GRXCR2: variants seen among roughly 807,000 people sequenced by gnomAD.
The protein encoded by GRXCR2 is glutaredoxin and cysteine rich domain containing 2.
GRXCR2 carries 23 observed loss-of-function variants against 24.8 expected under a neutral mutation model. The observed-to-expected ratio is 0.93, with a 90% CI of 0.67 to 1.32. GRXCR2 has a LOEUF of 1.32. Ranked by LOEUF, GRXCR2 falls within the 40% of genes most tolerant of loss-of-function variation. The pLI is 0.00. For synonymous variants in GRXCR2, 130 were observed against 116.1 expected (o/e 1.12, Z -0.77); for missense variants, 315 against 303.4 (o/e 1.04, Z -0.28).
At chr5:145,874,511 G>A (rs1248887364), upstream of GRXCR2, among the ~76,000 whole-genome samples, 2 of 151,954 alleles carry the variant, frequency 1.3e-5, no homozygotes, top group Non-Finnish European at 2.9e-5. Flanking sequence ...CCATTCACAT[G>A]GATTCTTTCA....
At chr5:145,895,277 C>T (rs1756932118) in intron 2 of GRXCR2, among the ~76,000 whole-genome samples, 1 of 151,842 alleles carries the variant, frequency 6.6e-6, no homozygotes, top group African/African-American at 2.4e-5. Context: ...GTTGGAAGTT[C>T]TGGCCAGGGC....
At chr5:145,886,238 G>T (rs1224440646) in intron 2 of GRXCR2, among the ~76,000 whole-genome samples, 2 of 152,138 alleles carry the variant, frequency 1.3e-5, no homozygotes, top group Non-Finnish European at 2.9e-5. Context: ...CCCATAGTTT[G>T]CTTTGAAAGG....
intron 2 of GRXCR2, among the ~76,000 whole-genome samples, chr5:145,896,225 A>G (rs1005042830): frequency 3.9e-5 from 6 of 152,228 alleles, no homozygotes; most frequent in African/African-American, 1.4e-4. Flanking sequence ...GGCATGGGCA[A>G]GGACTTCATG....
At chr5:145,893,913 C>A (rs540278949) in intron 2 of GRXCR2, among the ~76,000 whole-genome samples, 1 of 152,070 alleles carries the variant, frequency 6.6e-6, no homozygotes, top group Non-Finnish European at 1.5e-5. Context: ...TGTAAAAGAA[C>A]AGAAATTATA....
chr5:145,865,903 C>T (rs931934927), intron 2 of GRXCR2, among the ~76,000 whole-genome samples: 5 of 151,940 alleles, frequency 3.3e-5, no homozygotes, highest in South Asian at 2.1e-4. Context: ...TTTGGGAGGC[C>T]GAGGCAGATG....
At chr5:145,907,982 A>G (rs1757114102) in intron 2 of GRXCR2, among the ~76,000 whole-genome samples, 1 of 152,162 alleles carries the variant, frequency 6.6e-6, no homozygotes, top group Non-Finnish European at 1.5e-5. Context: ...GTCTCACATT[A>G]AAAGAAAAGG....
At chr5:145,930,336 C>T (rs1025038645) in intron 2 of GRXCR2, among the ~76,000 whole-genome samples, 7 of 152,114 alleles carry the variant, frequency 4.6e-5, no homozygotes, top group Admixed American at 6.6e-5. Flanking sequence ...TCGCCCACCT[C>T]GGCCTCCCAA....
intron 2 of GRXCR2, among the ~76,000 whole-genome samples, chr5:145,891,329 G>A (rs1756862505): frequency 6.6e-6 from 1 of 152,192 alleles, no homozygotes; most frequent in Non-Finnish European, 1.5e-5. Context: ...CCAAAGCAGG[G>A]TGAGGCATCA....
intron 2 of GRXCR2, among the ~76,000 whole-genome samples, chr5:145,909,014 T>C (rs1224183260): frequency 6.6e-6 from 1 of 152,186 alleles, no homozygotes; most frequent in Non-Finnish European, 1.5e-5. Context: ...TGGGTGAGCT[T>C]AAGCAAATTA....
intron 2 of GRXCR2, among the ~76,000 whole-genome samples, chr5:145,920,045 C>G (rs1345903524): frequency 6.6e-6 from 1 of 152,116 alleles, no homozygotes; most frequent in South Asian, 2.1e-4. Context: ...GATCCTAACC[C>G]CCTAGAACAC....
chr5:145,908,854 G>A (rs1757124724), intron 2 of GRXCR2, among the ~76,000 whole-genome samples: 1 of 152,180 alleles, frequency 6.6e-6, no homozygotes, highest in Non-Finnish European at 1.5e-5. Flanking sequence ...TAATGACAGA[G>A]CTAAAAGCAT....
rs539385807 is a variant in GRXCR2 at position 145,897,352 on chromosome 5, A to G, written c.-69-30624T>C. On this transcript the variant is annotated intron_variant, in intron 2 of 3. Coordinates refer to the GRXCR2 transcript ENST00000639411. ...AAAAAAAAAACTAAAAGACTTAAAC[A>G]GCCACACTTAATAGTGGAGAACTTT... Among the ~76,000 whole-genome samples the G allele has an allele frequency of 2.6e-3, 394 of 152,178 alleles. 3 individuals are homozygous for G. The highest frequency in any genetic ancestry group is 3.1e-3 in the Non-Finnish European group (209 of 67,976).
At chr5:145,879,115 C>T (rs1290349987) in intron 2 of GRXCR2, among the ~76,000 whole-genome samples, 1 of 152,114 alleles carries the variant, frequency 6.6e-6, no homozygotes, top group Non-Finnish European at 1.5e-5. Flanking sequence ...ACCATCAATG[C>T]TATGAAGAAA....
chr5:145,900,770 C>T (rs895993520), intron 2 of GRXCR2, among the ~76,000 whole-genome samples: 1 of 152,188 alleles, frequency 6.6e-6, no homozygotes, highest in African/African-American at 2.4e-5. Flanking sequence ...GCCATTGGAC[C>T]TGGCAATCCC....
intron 2 of GRXCR2, among the ~76,000 whole-genome samples, chr5:145,864,855 C>A (rs1214787104): frequency 6.6e-6 from 1 of 152,034 alleles, no homozygotes; most frequent in African/African-American, 2.4e-5. Context: ...TTAAAAATAT[C>A]TTTTTGAGTG....
At chr5:145,875,442 G>A (rs1299551203), upstream of GRXCR2, among the ~76,000 whole-genome samples, 1 of 151,828 alleles carries the variant, frequency 6.6e-6, no homozygotes, top group Non-Finnish European at 1.5e-5. Context: ...CCAGCTACTC[G>A]GGAGGCTAGA....
intron 2 of GRXCR2, among the ~76,000 whole-genome samples, chr5:145,893,526 G>C (rs1581344818): frequency 1.3e-5 from 2 of 152,146 alleles, no homozygotes; most frequent in African/African-American, 4.8e-5. Context: ...AAGGTCAAAA[G>C]AGACAAAGAA....
At chr5:145,866,329 A>G (rs1756434091) in intron 2 of GRXCR2, among the ~76,000 whole-genome samples, 172 bp downstream of exon 2, 1 of 152,242 alleles carries the variant, frequency 6.6e-6, no homozygotes, top group African/African-American at 2.4e-5. Flanking sequence ...GCTATTGCTA[A>G]CAATGTACCA....
chr5:145,857,969 C>T (rs1381991693), downstream of GRXCR2, among the ~76,000 whole-genome samples: 1 of 152,168 alleles, frequency 6.6e-6, no homozygotes, highest in Non-Finnish European at 1.5e-5. Flanking sequence ...GGAATACTGT[C>T]CTGTATGCAG....
Sources: allele counts gnomAD v4.1 joint callset (sites outside exome capture counted in the v4.1 genomes callset), GRCh38; gene constraint gnomAD v4.1.1; transcripts MANE v1.5; gene names NCBI Gene and HGNC (gene_info 2026-07-23, HGNC 2026-07-21).